The following HP variants were observed in gnomAD, a reference collection of about 807,000 sequenced individuals.
The protein encoded by HP is haptoglobin.
HP carries 9 observed loss-of-function variants against 23.2 expected under a neutral mutation model. That is an observed-to-expected ratio of 0.39 (90% confidence interval 0.23 to 0.68). The LOEUF (loss-of-function observed/expected upper bound fraction) is 0.68. Among genes scored for constraint, HP ranks in the 30% least tolerant of loss-of-function variants. The pLI, the probability that HP is intolerant of heterozygous loss-of-function variation, is 0.47. For synonymous variants in HP, 155 were observed against 183.3 expected, an observed-to-expected ratio of 0.85 and a Z score of 1.25; for missense variants, 433 against 483.6, an observed-to-expected ratio of 0.90 and a Z score of 0.98.
At position 72,060,635 on chromosome 16, in the gene HP, G is replaced by T; in HGVS notation, c.966G>T (p.Lys322Asn). ...AAGGCAGCACAGTCCCCGAAAAGAA[G>T]ACACCGAAGAGCCCTGTAGGGGTGC... is the stretch of plus-strand genomic sequence containing the variant. ...HYEGSTVPEK[K>N]TPKSPVGVQP... The change falls in exon 7 of 7, where the codon AAG becomes AAT. Residue 322 changes from lysine (K) to asparagine (N), a missense_variant. Lys to Asn is a moderately conservative substitution (Grantham distance 94). Around this residue, in one of 3 missense-constraint regions of HP, gnomAD observed 326 missense variants for 358.1 expected, o/e 0.91. Coordinates refer to ENST00000355906, the MANE Select transcript of HP (RefSeq NM_005143.5). 6.2e-7 allele frequency: 1 copy of T among 1,614,216 alleles called. No homozygotes were observed. Among genetic ancestry groups the T allele is most frequent in the Non-Finnish European group, 8.5e-7 (1 of 1,180,046 alleles).
chr16:72,054,842 C>G, intron 1 of HP, 185 bp downstream of exon 1: 1 of 788,606 alleles, frequency 1.3e-6, no homozygotes. Flanking sequence ...GTGCTGCTGT[C>G]TTTCCCAGGA....
In HP at chr16:72,056,199, A is replaced by G. The variant is rs1206483284; in HGVS notation, c.44A>G (p.Gln15Arg). 6.2e-7 allele frequency: 1 copy of G among 1,613,780 alleles called. No individual in the cohort carries two copies. Among genetic ancestry groups the G allele is most frequent in the Non-Finnish European group, 8.5e-7 (1 of 1,179,942 alleles). Residue 15 changes from glutamine to arginine, a missense_variant, in exon 2 of 7, where the codon CAG (glutamine) becomes CGG (arginine). Around this residue, in one of 3 missense-constraint regions of HP, gnomAD observed 71 missense variants for 54.2 expected, o/e 1.31. Transcript: ENST00000355906. ...GTCATTGCCCTCCTGCTCTGGGGACAGCTTTTTGCAGTGGACTCAGGCAAT... is the reference window on the plus strand; with the variant it reads ...GTCATTGCCCTCCTGCTCTGGGGACGGCTTTTTGCAGTGGACTCAGGCAAT... ...GAVIALLLWG[Q>R]LFAVDSGNDV...
In HP at chr16:72,060,656, G is replaced by A; in HGVS notation, c.987G>A (p.Gly329=). 6.2e-7 allele frequency: 1 copy of A among 1,614,162 alleles called. No individual in the cohort carries two copies. ...AGAAGACACCGAAGAGCCCTGTAGGGGTGCAGCCCATACTGAATGAACACA... is the reference window on the plus strand; with the variant it reads ...AGAAGACACCGAAGAGCCCTGTAGGAGTGCAGCCCATACTGAATGAACACA... ...PEKKTPKSPV[G]VQPILNEHTF... is the part of the protein sequence containing the mutation. Residue 329 remains glycine (G), a synonymous_variant, in exon 7 of 7, where the codon GGG becomes GGA. Transcript: ENST00000355906.
rs769159531 is a variant in HP at position 72,056,022 on chromosome 16, T to A, written c.6-139T>A. Reference sequence around the variant, plus strand: ...TAGCACTTCCATATATCGACTTTCTTTTCTGGCTGCTAAGTGGGAGGAGTG... The same window carrying A: ...TAGCACTTCCATATATCGACTTTCTATTCTGGCTGCTAAGTGGGAGGAGTG... On this transcript the variant is annotated intron_variant, in intron 1 of 6. Coordinates refer to ENST00000355906, the MANE Select transcript of HP (RefSeq NM_005143.5). The A allele has an allele frequency of 3.5e-6, 5 of 1,409,688 alleles. No individual in the cohort carries two copies. The South Asian group carries it at 4.7e-5, about 13-fold the overall frequency. 87.3% of individuals were successfully genotyped at this position (1,409,688 alleles called of 1,614,324 possible). A position where few individuals can be genotyped will look rare whatever the true frequency, so the allele number is the denominator to read the frequency against.
chr16:72,059,985 G>T, intron 6 of HP, 127 bp from the exon 7 acceptor site: 3 of 1,513,422 alleles, frequency 2.0e-6, no homozygotes, highest in Non-Finnish European at 2.7e-6. Context: ...TCAGCAGGTG[G>T]TAAGGGCAAA....
At chr16:72,058,144 C>T (rs1337749720) in intron 4 of HP, 110 bp from the exon 5 acceptor site, 6 of 1,097,586 alleles carry the variant, frequency 5.5e-6, no homozygotes, top group South Asian at 2.5e-5. Flanking sequence ...AGCTTCTATT[C>T]GGGGTGGAAG....
chr16:72,056,244 G>C lies in HP; in HGVS notation c.88+1G>C, dbSNP rs112740159. 1.2e-6 allele frequency: 2 copies of C among 1,613,826 alleles called. No homozygotes were observed. Among genetic ancestry groups the C allele is most frequent in the Non-Finnish European group, 1.7e-6 (2 of 1,179,836 alleles). On this transcript the variant is annotated splice_donor_variant, in intron 2 of 6. Transcript: ENST00000355906. LOFTEE classifies it high-confidence loss of function. ...GGCAATGATGTCACGGATATCGCAG[G>C]TCAGTCTTTGGTTGGGTAGGAGTGT...
chr16:72,055,750 C>T (rs1232106002), intron 1 of HP: 3 of 288,472 alleles, frequency 1.0e-5, no homozygotes, highest in South Asian at 7.1e-5. Flanking sequence ...GAGTTATCTA[C>T]ATTTTATTAC....
chr16:72,059,238 C>A (rs1817810059), intron 6 of HP, 50 bp downstream of exon 6: 1 of 1,559,998 alleles, frequency 6.4e-7, no homozygotes, highest in South Asian at 1.1e-5. Flanking sequence ...CGGGGAACGT[C>A]CTAGAGGCAC....
chr16:72,056,234 G>C lies in HP; in HGVS notation c.79G>C (p.Asp27His). 1 of 1,613,888 alleles carries C rather than the reference G, an allele frequency of 6.2e-7. No individual in the cohort carries two copies. The highest frequency in any genetic ancestry group is 2.2e-5 in the East Asian group (1 of 44,830). The change falls in exon 2 of 7, where the codon GAT (aspartate) becomes CAT (histidine). Residue 27 changes from aspartate (D) to histidine (H), a missense_variant. Physicochemically the swap from Asp to His is moderately conservative, Grantham distance 81. Transcript: ENST00000355906. ...FAVDSGNDVT[D>H]IADDGCPKPP... ...AGTGGACTCAGGCAATGATGTCACG[G>C]ATATCGCAGGTCAGTCTTTGGTTGG...
intron 6 of HP, chr16:72,059,607 C>A (rs1230446817): frequency 3.8e-6 from 1 of 260,308 alleles, no homozygotes; most frequent in Non-Finnish European, 7.3e-6. Flanking sequence ...GTTGCTCTCT[C>A]CTTTCATTCT....
rs594359 is a variant in HP, at chr16:72,060,779, T to C, written c.1110T>C (p.Tyr370=). Residue 370 remains tyrosine, a synonymous_variant, in exon 7 of 7, where the codon TAT becomes TAC. Coordinates refer to ENST00000355906, the MANE Select transcript of HP (RefSeq NM_005143.5). The part of the protein sequence containing the change: ...AVHDLEEDTW[Y]ATGILSFDKS... Reference sequence around the variant, plus strand: ...ACGACCTGGAGGAGGACACCTGGTATGCGACTGGGATCTTAAGCTTTGATA... The same window carrying C: ...ACGACCTGGAGGAGGACACCTGGTACGCGACTGGGATCTTAAGCTTTGATA... 6,553 of 1,614,040 alleles carry C rather than the reference T, an allele frequency of 4.1e-3. 31 individuals are homozygous for C. The highest frequency in any genetic ancestry group is 4.9e-3 in the Non-Finnish European group (5,791 of 1,179,966).
intron 6 of HP, 39 bp from the exon 7 acceptor site, chr16:72,060,073 G>A: frequency 1.9e-6 from 3 of 1,603,628 alleles, no homozygotes; most frequent in East Asian, 2.3e-5. Flanking sequence ...AAAGGCTCTT[G>A]CACATTTCCA....
chr16:72,054,785 G>T lies in HP; in HGVS notation c.5+128G>T, dbSNP rs983626096. On this transcript the variant is annotated intron_variant, in intron 1 of 6. Transcript: ENST00000355906. ...ATGGGCTAAATTATAGTGAACCAAA[G>T]GGCTTAGTGTGTTAAATCTTCTCCT... The T allele has an allele frequency of 2.0e-6, 3 of 1,484,726 alleles. No individual in the cohort carries two copies. The African/African-American group carries it at 4.2e-5, about 21-fold the overall frequency. 92.0% of individuals were successfully genotyped at this position (1,484,726 alleles called of 1,614,324 possible).
intron 1 of HP, chr16:72,055,926 T>C: frequency 1.5e-6 from 1 of 666,904 alleles, no homozygotes; most frequent in Non-Finnish European, 2.5e-6. Context: ...GGACAGGGCT[T>C]GCTGGAAGCT....
chr16:72,059,942 A>C, intron 6 of HP, 170 bp from the exon 7 acceptor site: 2 of 1,390,106 alleles, frequency 1.4e-6, no homozygotes, highest in Non-Finnish European at 1.9e-6. Flanking sequence ...AAAAAACAGA[A>C]TTATTTTAAA....
Position 72,060,687 on chromosome 16 carries a change from T to C in HP, c.1018T>C (p.Cys340Arg). Reference protein sequence around the residue: ...VQPILNEHTFCAGMSKYQEDT... With the variant: ...VQPILNEHTFRAGMSKYQEDT... ...GCCCATACTGAATGAACACACCTTCTGTGCTGGCATGTCTAAGTACCAAGA... is the reference window on the plus strand; with the variant it reads ...GCCCATACTGAATGAACACACCTTCCGTGCTGGCATGTCTAAGTACCAAGA... The change falls in exon 7 of 7, where the codon TGT becomes CGT. Residue 340 changes from cysteine to arginine, a missense_variant. Cys to Arg is a radical substitution (Grantham distance 180, BLOSUM62 -3). Coordinates refer to ENST00000355906, the MANE Select transcript of HP (RefSeq NM_005143.5). The C allele has an allele frequency of 2.5e-6, 4 of 1,614,174 alleles. No homozygotes were observed. The highest frequency in any genetic ancestry group is 3.4e-6 in the Non-Finnish European group (4 of 1,180,032).
intron 4 of HP, chr16:72,057,676 G>T (rs1201267022): frequency 3.3e-6 from 2 of 610,968 alleles, no homozygotes; most frequent in Non-Finnish European, 5.4e-6. Context: ...GGGGCCTGAA[G>T]GGCACTGGCT....
At chr16:72,059,052 T>A in intron 5 of HP, 62 bp from the exon 6 acceptor site, 1 of 1,467,494 alleles carries the variant, frequency 6.8e-7, no homozygotes. Context: ...AAATGCCTTC[T>A]CACTCTGCAC....
Sources: gnomAD v4.1 joint callset for allele counts on GRCh38, gnomAD v4.1.1 for gene constraint, gnomAD v4.1.1 regional missense constraint, MANE v1.5 for transcripts, NCBI Gene and HGNC (gene_info 2026-07-23, HGNC 2026-07-21) for gene names.